The following GARNL3 variants were observed in gnomAD, a reference collection of about 807,000 sequenced individuals.
GARNL3 encodes GTPase-activating Rap/Ran-GAP domain-like protein 3.
In GARNL3, 63 loss-of-function variants were observed where a neutral mutation model predicts 125.0. The ratio of observed to expected loss-of-function variants is 0.50; its 90% CI spans 0.41 to 0.62. The LOEUF is 0.62. Ranked by LOEUF, GARNL3 falls within the 20% of genes least tolerant of loss-of-function variation. GARNL3 has a pLI of 0.00. For missense variants in GARNL3, 994 were observed against 1,244.0 expected (o/e 0.80, Z 3.02); for synonymous variants, 439 against 457.5 (o/e 0.96, Z 0.52).
intron 2 of GARNL3, among the ~76,000 whole-genome samples, chr9:127,291,869 C>G (rs2064431877): frequency 6.6e-6 from 1 of 151,690 alleles, no homozygotes; most frequent in South Asian, 2.1e-4. Flanking sequence ...AGCTCTAGTT[C>G]CCTGACCCTG....
intron 16 of GARNL3, among the ~76,000 whole-genome samples, chr9:127,345,843 A>T (rs1028140150): frequency 6.6e-6 from 1 of 152,248 alleles, no homozygotes; most frequent in African/African-American, 2.4e-5. Flanking sequence ...GTTTCCAACA[A>T]ACTTGCACGT....
At chr9:127,325,038 T>C in intron 6 of GARNL3, 31 bp from the exon 7 acceptor site, 1 of 1,606,418 alleles carries the variant, frequency 6.2e-7, no homozygotes, top group African/African-American at 1.3e-5. Context: ...CTGTTATGCC[T>C]GGATGTAACT....
Position 127,345,480 on chromosome 9 carries a change from G to A in GARNL3, c.1431+3G>A, listed in dbSNP as rs921985289. On this transcript the variant is annotated splice_donor_region_variant and intron_variant, in intron 16 of 27. Coordinates refer to ENST00000373387, the MANE Select transcript of GARNL3 (RefSeq NM_032293.5). ...CTTCAGGGATCTGTAAAAAAGAGGT[G>A]AGTTCATGATACTTTCAATTTGAAC... 6.4e-7 allele frequency: 1 copy of A among 1,570,396 alleles called. No homozygotes were observed. Among genetic ancestry groups the A allele is most frequent in the Non-Finnish European group, 8.7e-7 (1 of 1,147,444 alleles).
chr9:127,381,854 C>T (rs562176620), intron 22 of GARNL3, among the ~76,000 whole-genome samples: 1 of 151,972 alleles, frequency 6.6e-6, no homozygotes, highest in Non-Finnish European at 1.5e-5. Context: ...ATCCTCCCGC[C>T]TGGGACTCAC....
At position 127,280,575 on chromosome 9, in the gene GARNL3, G is replaced by A. The variant is rs376000428; in HGVS notation, c.145-10593G>A. On this transcript the variant is annotated intron_variant, in intron 1 of 27. Transcript: ENST00000373387. This position sits in a 1 kb window ranked among gnomAD's most constrained non-coding sequence, Gnocchi z 4.5. The stretch of plus-strand genomic sequence containing the variant: ...AAGCCAGACACCAAATACGTTTCTC[G>A]ATTCTTCTCCATTGGCCGTATAGTA... Among the ~76,000 whole-genome samples the A allele has an allele frequency of 4.6e-5, 7 of 152,148 alleles. No homozygotes were observed. The highest frequency in any genetic ancestry group is 1.7e-4 in the African/African-American group (7 of 41,420).
At chr9:127,388,208 C>T (rs1055622605) in intron 25 of GARNL3, among the ~76,000 whole-genome samples, 3 of 150,724 alleles carry the variant, frequency 2.0e-5, no homozygotes, top group African/African-American at 7.3e-5. Context: ...CCCAGCTACT[C>T]AGGAGACTGA....
chr9:127,264,703 A>C, upstream of GARNL3: 2 of 1,231,966 alleles, frequency 1.6e-6, no homozygotes, highest in Non-Finnish European at 2.0e-6. Context: ...CTAAATATTT[A>C]ATTGAATCAT....
At chr9:127,298,564 C>T (rs1668359462) in intron 2 of GARNL3, among the ~76,000 whole-genome samples, 1 of 152,158 alleles carries the variant, frequency 6.6e-6, no homozygotes, top group Non-Finnish European at 1.5e-5. Flanking sequence ...CTTTATTTCC[C>T]AGTTGTTCAT....
chr9:127,350,775 CA>C (rs1333253057), intron 17 of GARNL3, among the ~76,000 whole-genome samples: 152 of 138,936 alleles, frequency 1.1e-3, no homozygotes, highest in South Asian at 1.2e-3. Flanking sequence ...GACTCCATCT[CA>C]AAAAAAAAAA....
chr9:127,244,263 A>G (rs1029267717), intron 2 of GARNL3, among the ~76,000 whole-genome samples: 1 of 152,244 alleles, frequency 6.6e-6, no homozygotes, highest in Non-Finnish European at 1.5e-5. Context: ...AAAGGAAGCC[A>G]TCACCTGCTG....
chr9:127,230,968 G>T (rs1402413031), intron 1 of GARNL3, among the ~76,000 whole-genome samples: 1 of 144,876 alleles, frequency 6.9e-6, no homozygotes, highest in Non-Finnish European at 1.5e-5. Flanking sequence ...ATATATGTGT[G>T]TGTGTGTGTG....
chr9:127,383,123 G>A (rs933077886), intron 22 of GARNL3, among the ~76,000 whole-genome samples: 7 of 152,218 alleles, frequency 4.6e-5, no homozygotes, highest in African/African-American at 1.7e-4. Flanking sequence ...TTTCTCATCT[G>A]TAAAGTGAGT....
At chr9:127,233,842 G>C (rs915469680) in intron 1 of GARNL3, among the ~76,000 whole-genome samples, 1 of 152,162 alleles carries the variant, frequency 6.6e-6, no homozygotes, top group African/African-American at 2.4e-5. Flanking sequence ...TCCATTATGC[G>C]TCGGGGTGCC....
At chr9:127,337,737 T>C (rs1284153081) in intron 11 of GARNL3, among the ~76,000 whole-genome samples, 2 of 152,208 alleles carry the variant, frequency 1.3e-5, no homozygotes, top group Non-Finnish European at 2.9e-5. Context: ...TTTCCAAATG[T>C]GTGAGATGAA....
At chr9:127,306,509 C>G (rs1588815532) in intron 2 of GARNL3, among the ~76,000 whole-genome samples, 1 of 152,154 alleles carries the variant, frequency 6.6e-6, no homozygotes, top group Non-Finnish European at 1.5e-5. Flanking sequence ...GGGCGGATCA[C>G]GAGGTCAGGA....
intron 1 of GARNL3, among the ~76,000 whole-genome samples, chr9:127,231,569 A>AG (rs2063020587): frequency 1.3e-5 from 2 of 152,214 alleles, no homozygotes; most frequent in South Asian, 4.1e-4. Context: ...TGAATTTGTG[A>AG]GGTAAATCCT....
intron 15 of GARNL3, among the ~76,000 whole-genome samples, chr9:127,344,776 A>G (rs1354827792): frequency 6.6e-6 from 1 of 152,196 alleles, no homozygotes; most frequent in Non-Finnish European, 1.5e-5. Context: ...AAACAATCCA[A>G]GTCACCACCA....
Position 127,333,102 on chromosome 9 carries a change from T to A in GARNL3, c.750T>A (p.Arg250=), listed in dbSNP as rs779338772. 3.1e-6 allele frequency: 5 copies of A among 1,613,770 alleles called. No homozygotes were observed. The East Asian group carries it at 1.1e-4, about 36-fold the overall frequency. The change falls in exon 9 of 28, where the codon CGT becomes CGA. Residue 250 remains arginine, a synonymous_variant. Transcript: ENST00000373387. ...TITLKGWTGY[R]GGLDTKNDTT... ...CTCTAAAGGGCTGGACGGGCTACCG[T>A]GGCGGTCTGGATACCAAAAGTAAGC...
At chr9:127,283,292 G>T (rs1209806467) in intron 1 of GARNL3, among the ~76,000 whole-genome samples, 1 of 152,172 alleles carries the variant, frequency 6.6e-6, no homozygotes, top group African/African-American at 2.4e-5. Flanking sequence ...TATCTGTGCT[G>T]TCCAGTGTAG....
Sources: gnomAD v4.1 joint callset for allele counts (sites outside exome capture counted in the v4.1 genomes callset) on GRCh38, gnomAD v4.1.1 for gene constraint, Gnocchi (gnomAD v3.1) non-coding constraint, MANE v1.5 for transcripts, NCBI Gene and HGNC (gene_info 2026-07-23, HGNC 2026-07-21) for gene names.